Variants in TSGA10 observed in about 807,000 individuals in gnomAD.
The protein encoded by TSGA10 is testis specific 10.
TSGA10 carries 43 observed loss-of-function variants against 96.6 expected under a neutral mutation model. That is an observed-to-expected ratio of 0.44 (90% CI 0.35 to 0.57). The LOEUF (loss-of-function observed/expected upper bound fraction) is 0.57, where lower values mean the gene tolerates loss of function less well. Ranked by LOEUF, TSGA10 falls within the 20% of genes least tolerant of loss-of-function variation. TSGA10 has a pLI of 0.01. For missense variants in TSGA10, 703 were observed against 834.4 expected, an observed-to-expected ratio of 0.84 and a Z score of 1.94; for synonymous variants, 229 against 269.9, an observed-to-expected ratio of 0.85 and a Z score of 1.48.
At chr2:99,018,081 A>AATCATGTTTAAAT in intron 20 of TSGA10, 119 bp downstream of exon 20, 1 of 876,450 alleles carries the variant, frequency 1.1e-6, no homozygotes, top group Admixed American at 3.2e-5. Flanking sequence ...ATATCTTGGT[A>AATCATGTTTAAAT]ATCATGTTTA....
chr2:99,077,821 C>CA (rs2086909140), intron 12 of TSGA10, among the ~76,000 whole-genome samples: 2 of 152,092 alleles, frequency 1.3e-5, no homozygotes, highest in African/African-American at 4.8e-5. Context: ...CTCGGCCTCC[C>CA]AAAGTGCTGG....
chr2:99,054,221 A>C lies in TSGA10; in HGVS notation c.1404+10718T>G, dbSNP rs535204936. ...GAATAGACAGCCCAGAAATAAATCC[A>C]TTCATTTACAGTCAATTGACCTTTG... is the stretch of plus-strand genomic sequence containing the variant. On this transcript the variant is annotated intron_variant, in intron 16 of 20. Transcript: ENST00000393483. 1.6e-3 allele frequency among the ~76,000 whole-genome samples: 241 copies of C among 152,300 alleles called. 1 individual carries two copies. The highest frequency in any genetic ancestry group is 1.0e-2 in the South Asian group (48 of 4,824).
chr2:99,109,945 A>G (rs962223367), intron 5 of TSGA10, among the ~76,000 whole-genome samples: 1 of 152,126 alleles, frequency 6.6e-6, no homozygotes, highest in African/African-American at 2.4e-5. Flanking sequence ...CGGGCAGATC[A>G]TGAGGTCAGG....
intron 20 of TSGA10, among the ~76,000 whole-genome samples, chr2:99,004,791 A>G (rs969895916): frequency 1.3e-5 from 2 of 152,252 alleles, no homozygotes; most frequent in Non-Finnish European, 2.9e-5. Flanking sequence ...AACTCATTTT[A>G]TGAGGCCAGC....
chr2:99,143,314 T>C (rs950363778), intron 1 of TSGA10, among the ~76,000 whole-genome samples: 4 of 150,864 alleles, frequency 2.7e-5, no homozygotes, highest in Non-Finnish European at 5.9e-5. Context: ...GCTTTTTTTT[T>C]GTTTGTTTTT....
chr2:99,024,175 TGA>T (rs1162762663), intron 17 of TSGA10, among the ~76,000 whole-genome samples: 17 of 152,156 alleles, frequency 1.1e-4, no homozygotes, highest in Admixed American at 7.9e-4. Context: ...CTGCAACCTC[TGA>T]CTCCCTGGTT....
intron 12 of TSGA10, among the ~76,000 whole-genome samples, chr2:99,074,426 T>A (rs2086432411): frequency 6.6e-6 from 1 of 151,350 alleles, no homozygotes; most frequent in Non-Finnish European, 1.5e-5. Flanking sequence ...TTAGCTACAG[T>A]TTCCCATTCT....
intron 12 of TSGA10, among the ~76,000 whole-genome samples, chr2:99,077,721 C>G (rs1165177647): frequency 1.3e-5 from 2 of 151,886 alleles, no homozygotes. Context: ...GCCACCACGC[C>G]CAGCTAATTT....
intron 17 of TSGA10, among the ~76,000 whole-genome samples, chr2:99,033,694 G>T (rs2081343207): frequency 6.6e-6 from 1 of 152,142 alleles, no homozygotes; most frequent in Admixed American, 6.5e-5. Flanking sequence ...ACAAAAATCA[G>T]CCAGGTGTGG....
chr2:99,025,655 C>T (rs2080498367), intron 17 of TSGA10, among the ~76,000 whole-genome samples: 2 of 151,944 alleles, frequency 1.3e-5, no homozygotes, highest in Non-Finnish European at 2.9e-5. Flanking sequence ...TTCCCTTTTT[C>T]CAGTGTTCTA....
chr2:99,095,719 C>T (rs2089965312), intron 10 of TSGA10, among the ~76,000 whole-genome samples: 3 of 152,200 alleles, frequency 2.0e-5, no homozygotes, highest in Admixed American at 6.5e-5. Flanking sequence ...CGGCTCACTG[C>T]AACTTCTGAC....
At chr2:99,149,438 T>A (rs2093666131) in intron 1 of TSGA10, among the ~76,000 whole-genome samples, 1 of 134,236 alleles carries the variant, frequency 7.4e-6, no homozygotes, top group African/African-American at 2.7e-5. Flanking sequence ...TGCTACATGA[T>A]CATCTTTTTT....
intron 10 of TSGA10, chr2:99,102,316 G>C (rs1231228348): frequency 1.6e-5 from 25 of 1,611,740 alleles, no homozygotes; most frequent in Non-Finnish European, 2.0e-5. Context: ...GAAGGAGAAG[G>C]GAGTGGTGAG....
At chr2:99,127,206 G>A in intron 1 of TSGA10, 30 bp from the exon 2 acceptor site, 1 of 1,243,916 alleles carries the variant, frequency 8.0e-7, no homozygotes, top group Non-Finnish European at 1.0e-6. Flanking sequence ...ATAATACAGA[G>A]GCATTCAGTT....
chr2:99,026,045 G>T (rs1413785339), intron 17 of TSGA10, among the ~76,000 whole-genome samples: 1 of 152,176 alleles, frequency 6.6e-6, no homozygotes, highest in Non-Finnish European at 1.5e-5. Flanking sequence ...ATGTTGAGAA[G>T]ACTATGTATT....
chr2:99,150,677 T>G, intron 1 of TSGA10: 1 of 1,614,092 alleles, frequency 6.2e-7, no homozygotes. Flanking sequence ...GCGACTCAGT[T>G]ATTTCAAAAC....
At chr2:99,036,044 C>T (rs772007684) in intron 16 of TSGA10, among the ~76,000 whole-genome samples, 1 of 151,986 alleles carries the variant, frequency 6.6e-6, no homozygotes, top group Admixed American at 6.5e-5. Context: ...TACATAAATG[C>T]TTTCGAATGT....
At chr2:99,054,526 CAAAGTA>C (rs1481977117) in intron 16 of TSGA10, among the ~76,000 whole-genome samples, 1 of 151,816 alleles carries the variant, frequency 6.6e-6, no homozygotes, top group East Asian at 1.9e-4. Flanking sequence ...GGGGTTGGAT[CAAAGTA>C]AAAAACTTCT....
intron 10 of TSGA10, among the ~76,000 whole-genome samples, chr2:99,084,988 A>T (rs2088071741): frequency 6.6e-6 from 1 of 151,894 alleles, no homozygotes; most frequent in Non-Finnish European, 1.5e-5. Context: ...GCGGTGGCTC[A>T]TGTCTGTAAT....
Sources: gnomAD v4.1 joint callset for allele counts (sites outside exome capture counted in the v4.1 genomes callset) on GRCh38, gnomAD v4.1.1 for gene constraint, MANE v1.5 for transcripts, NCBI Gene and HGNC (gene_info 2026-07-23, HGNC 2026-07-21) for gene names.